LRRC4C: variants seen among roughly 807,000 people sequenced by gnomAD.
LRRC4C encodes leucine-rich repeat-containing protein 4C.
In LRRC4C, 5 loss-of-function variants were observed where a neutral mutation model predicts 33.6. The observed-to-expected ratio is 0.15, with a 90% confidence interval of 0.08 to 0.31. The LOEUF (loss-of-function observed/expected upper bound fraction) is 0.31, where lower values mean the gene tolerates loss of function less well. Ranked by LOEUF, LRRC4C falls within the 10% of genes least tolerant of loss-of-function variation. The pLI, the probability that LRRC4C is intolerant of heterozygous loss-of-function variation, is 1.00. For missense variants in LRRC4C, 560 were observed against 796.7 expected (o/e 0.70, Z 3.58); for synonymous variants, 329 against 302.0 (o/e 1.09, Z -0.93).
chr11:40,930,648 C>T (rs996566013), intron 2 of LRRC4C, among the ~76,000 whole-genome samples: 1 of 152,166 alleles, frequency 6.6e-6, no homozygotes, highest in African/African-American at 2.4e-5. Context: ...CTTTATGGCT[C>T]TCCCTGAATT....
At chr11:40,143,014 A>G (rs1399866725) in intron 5 of LRRC4C, among the ~76,000 whole-genome samples, 1 of 151,966 alleles carries the variant, frequency 6.6e-6, no homozygotes, top group African/African-American at 2.4e-5. Context: ...TTCAGGAATG[A>G]TTTTTCTAGT....
intron 1 of LRRC4C, among the ~76,000 whole-genome samples, chr11:41,230,772 A>G (rs1017739157): frequency 1.3e-5 from 2 of 152,078 alleles, no homozygotes; most frequent in African/African-American, 4.8e-5. Flanking sequence ...TCATTAAACT[A>G]AAGAGCTTCT....
At chr11:40,761,657 C>T (rs1949216930) in intron 2 of LRRC4C, among the ~76,000 whole-genome samples, 1 of 152,090 alleles carries the variant, frequency 6.6e-6, no homozygotes. Flanking sequence ...TTATTATTTT[C>T]AAGTGAAAAT....
intron 1 of LRRC4C, among the ~76,000 whole-genome samples, chr11:41,258,168 T>C (rs183298264): frequency 1.2e-4 from 18 of 151,978 alleles, no homozygotes; most frequent in Non-Finnish European, 5.9e-5. Context: ...TTAACCGGAG[T>C]ATGCAGATCC....
chr11:40,278,595 T>G (rs1208060727), intron 4 of LRRC4C, among the ~76,000 whole-genome samples: 3 of 152,200 alleles, frequency 2.0e-5, no homozygotes, highest in Non-Finnish European at 2.9e-5. Context: ...CAGATGAAGT[T>G]GTTCCACTGA....
intron 3 of LRRC4C, among the ~76,000 whole-genome samples, chr11:40,566,254 T>C (rs1392333090): frequency 1.3e-5 from 2 of 151,906 alleles, no homozygotes; most frequent in East Asian, 3.9e-4. Flanking sequence ...TAAGTAATCC[T>C]TCTGCATATC....
Position 40,342,007 on chromosome 11 carries a change from A to G in LRRC4C, c.-269-22286T>C, listed in dbSNP as rs535917659. The stretch of plus-strand genomic sequence containing the variant: ...TTACTGGCACTTTTCTCAAAAAAAA[A>G]AAACAAAATAAGTCTTTTTAAAGAA... On this transcript the variant is annotated intron_variant, in intron 3 of 6. Transcript: ENST00000528697. Among the ~76,000 whole-genome samples, 513 of 152,012 alleles carry G rather than the reference A, an allele frequency of 3.4e-3. 2 individuals are homozygous for G. The highest frequency in any genetic ancestry group is 6.8e-3 in the Middle Eastern group (2 of 294).
At chr11:40,156,674 C>CCAA (rs901914460) in intron 5 of LRRC4C, among the ~76,000 whole-genome samples, 8 of 150,810 alleles carry the variant, frequency 5.3e-5, no homozygotes, top group Non-Finnish European at 8.9e-5. Flanking sequence ...ACAAAAAAAC[C>CCAA]CAACAACAAC....
chr11:40,967,347 A>G (rs1048426462), intron 1 of LRRC4C, among the ~76,000 whole-genome samples: 1 of 152,016 alleles, frequency 6.6e-6, no homozygotes, highest in Non-Finnish European at 1.5e-5. Context: ...AAGCATAAAC[A>G]CTTCCCCAAA....
chr11:40,351,022 A>G (rs889388489), intron 3 of LRRC4C, among the ~76,000 whole-genome samples: 2 of 152,072 alleles, frequency 1.3e-5, no homozygotes, highest in Non-Finnish European at 2.9e-5. Context: ...GGATCATATC[A>G]TCTGCAAACA....
chr11:40,652,203 A>G (rs1053750556), intron 2 of LRRC4C, among the ~76,000 whole-genome samples: 1 of 152,198 alleles, frequency 6.6e-6, no homozygotes, highest in African/African-American at 2.4e-5. Flanking sequence ...GGAAACAAGA[A>G]TAAATCTTTA....
chr11:40,663,380 C>T (rs1174292519), intron 2 of LRRC4C, among the ~76,000 whole-genome samples: 1 of 152,144 alleles, frequency 6.6e-6, no homozygotes, highest in Non-Finnish European at 1.5e-5. Context: ...CGCACCCAGC[C>T]AATTTATTTA....
At chr11:40,239,582 A>G (rs1174316302) in intron 5 of LRRC4C, among the ~76,000 whole-genome samples, 2 of 152,192 alleles carry the variant, frequency 1.3e-5, no homozygotes, top group Non-Finnish European at 2.9e-5. Context: ...CCTCTATTAG[A>G]TAAGGCCTTG....
At chr11:41,031,486 C>T (rs1431162242) in intron 1 of LRRC4C, among the ~76,000 whole-genome samples, 3 of 151,926 alleles carry the variant, frequency 2.0e-5, no homozygotes, top group South Asian at 4.1e-4. Context: ...ATAATTTACG[C>T]ATGATGAAAA....
At chr11:41,246,548 G>A (rs764775158) in intron 1 of LRRC4C, among the ~76,000 whole-genome samples, 4 of 152,152 alleles carry the variant, frequency 2.6e-5, no homozygotes, top group South Asian at 2.1e-4. Context: ...GGAAGCGGGC[G>A]GGGCTTCCAC....
chr11:41,033,571 G>T (rs1258493236), intron 1 of LRRC4C, among the ~76,000 whole-genome samples: 4 of 152,006 alleles, frequency 2.6e-5, no homozygotes. Context: ...GGAATCCTCT[G>T]AGTCCCAGAC....
intron 3 of LRRC4C, among the ~76,000 whole-genome samples, chr11:40,427,285 T>C (rs11035830): frequency 0.39 from 58,100 of 148,938 alleles, 11,630 homozygotes; most frequent in East Asian, 0.54. Flanking sequence ...GGGTGGATCA[T>C]TTGAGGTCAG....
At chr11:40,341,257 AT>A (rs74426364) in intron 3 of LRRC4C, among the ~76,000 whole-genome samples, 1,806 of 152,138 alleles carry the variant, frequency 0.012, 31 homozygotes, top group African/African-American at 0.04. Context: ...TGAACTCATC[AT>A]TTTTTTATGG....
Position 41,353,053 on chromosome 11 carries a change from CA to C in LRRC4C, c.-496+106377del, listed in dbSNP as rs1487330481. Among the ~76,000 whole-genome samples, 12 of 152,010 alleles carry C rather than the reference CA, an allele frequency of 7.9e-5. No homozygotes were observed. In the South Asian group the frequency reaches 2.3e-3, roughly 29 times the overall value. ...AGAGCTGAACTGAAGAAAATCAAGA[CA>C]TGAAAATCCATACTAAAGATCAATA... is the stretch of plus-strand genomic sequence containing the variant. On this transcript the variant is annotated intron_variant, in intron 1 of 6. Coordinates refer to ENST00000528697, the MANE Select transcript of LRRC4C (RefSeq NM_001258419.2).
Sources: allele counts gnomAD v4.1 joint callset (sites outside exome capture counted in the v4.1 genomes callset), GRCh38; gene constraint gnomAD v4.1.1; transcripts MANE v1.5; gene names NCBI Gene and HGNC (gene_info 2026-07-23, HGNC 2026-07-21).